NKAIN2: variants seen among roughly 807,000 people sequenced by gnomAD.
The protein encoded by NKAIN2 is sodium/potassium transporting ATPase interacting 2.
In NKAIN2, 14 loss-of-function variants were observed where a neutral mutation model predicts 32.6. That is an observed-to-expected ratio of 0.43 (90% CI 0.28 to 0.67). The LOEUF is 0.67. Among genes scored for constraint, NKAIN2 ranks in the 30% least tolerant of loss-of-function variants. NKAIN2 has a pLI of 0.17. For missense variants in NKAIN2, 198 were observed against 258.3 expected, an observed-to-expected ratio of 0.77 and a Z score of 1.60; for synonymous variants, 80 against 87.2, an observed-to-expected ratio of 0.92 and a Z score of 0.46.
At chr6:124,283,501 C>T (rs1336607153) in intron 2 of NKAIN2, among the ~76,000 whole-genome samples, 3 of 152,146 alleles carry the variant, frequency 2.0e-5, no homozygotes, top group African/African-American at 7.2e-5. Context: ...ATATTTTATA[C>T]ATTGAATAAA....
chr6:124,403,079 GATTC>G (rs139129015), intron 3 of NKAIN2, among the ~76,000 whole-genome samples: 6,929 of 152,204 alleles, frequency 0.046, 212 homozygotes, highest in Non-Finnish European at 0.069. Context: ...GAATTACGTT[GATTC>G]ATTTGTTAGA....
At chr6:124,511,764 T>G (rs1179528485) in intron 3 of NKAIN2, among the ~76,000 whole-genome samples, 4 of 152,194 alleles carry the variant, frequency 2.6e-5, no homozygotes, top group Non-Finnish European at 5.9e-5. Flanking sequence ...AGGGCTCATC[T>G]ATCCTTGTGC....
chr6:124,787,110 C>T (rs538404229), intron 4 of NKAIN2, among the ~76,000 whole-genome samples: 62 of 152,202 alleles, frequency 4.1e-4, no homozygotes, highest in Admixed American at 6.5e-4. Context: ...CAACCTACTC[C>T]GAGAATGGAT....
chr6:124,134,889 G>A (rs1272006203), intron 1 of NKAIN2, among the ~76,000 whole-genome samples: 1 of 152,126 alleles, frequency 6.6e-6, no homozygotes, highest in Non-Finnish European at 1.5e-5. Context: ...TAAGAGCTGT[G>A]AGGCAAAAGT....
chr6:124,486,915 T>A (rs1777674983), intron 3 of NKAIN2, among the ~76,000 whole-genome samples: 1 of 152,090 alleles, frequency 6.6e-6, no homozygotes, highest in African/African-American at 2.4e-5. Context: ...TTTAAGACAG[T>A]GGTTTAAATG....
chr6:124,098,982 T>C (rs111776304), intron 1 of NKAIN2, among the ~76,000 whole-genome samples: 2,671 of 152,178 alleles, frequency 0.018, 80 homozygotes, highest in African/African-American at 0.061. Flanking sequence ...AAATAAGAGA[T>C]AAAGTTAGGT....
At chr6:124,302,400 A>C (rs923033984) in intron 2 of NKAIN2, among the ~76,000 whole-genome samples, 51 of 152,230 alleles carry the variant, frequency 3.4e-4, no homozygotes, top group Non-Finnish European at 1.0e-4. Context: ...TTCCTCCATG[A>C]CACAGACTAT....
intron 3 of NKAIN2, among the ~76,000 whole-genome samples, chr6:124,609,164 TC>T (rs1470597253): frequency 6.6e-6 from 1 of 152,122 alleles, no homozygotes; most frequent in Non-Finnish European, 1.5e-5. Flanking sequence ...CAAACAATGC[TC>T]CTAGTTACCT....
chr6:124,346,462 G>T (rs1798429190), intron 2 of NKAIN2, among the ~76,000 whole-genome samples: 1 of 152,102 alleles, frequency 6.6e-6, no homozygotes, highest in Admixed American at 6.6e-5. Context: ...TTATTGTGTG[G>T]GAGTCTAAGT....
chr6:124,793,602 T>C (rs911835400), intron 5 of NKAIN2, among the ~76,000 whole-genome samples: 3 of 150,372 alleles, frequency 2.0e-5, no homozygotes, highest in African/African-American at 7.3e-5. Flanking sequence ...GTCTCCTACA[T>C]GCATAATCAG....
chr6:124,671,910 G>A (rs1187885506), intron 4 of NKAIN2, among the ~76,000 whole-genome samples: 1 of 151,714 alleles, frequency 6.6e-6, no homozygotes, highest in African/African-American at 2.4e-5. Flanking sequence ...TACAAATTGA[G>A]GTCATTCTAA....
chr6:124,624,792 T>A (rs914317643), intron 3 of NKAIN2, among the ~76,000 whole-genome samples: 3 of 152,228 alleles, frequency 2.0e-5, no homozygotes, highest in Non-Finnish European at 4.4e-5. Context: ...AATTAGAGTA[T>A]GTACCTGTTA....
chr6:124,743,117 A>C (rs1182191045), intron 4 of NKAIN2, among the ~76,000 whole-genome samples: 1 of 151,828 alleles, frequency 6.6e-6, no homozygotes, highest in Non-Finnish European at 1.5e-5. Flanking sequence ...GAAAGTACAG[A>C]CGCTGGAGTC....
chr6:123,926,664 T>C (rs1776020389), intron 1 of NKAIN2, among the ~76,000 whole-genome samples: 1 of 152,232 alleles, frequency 6.6e-6, no homozygotes, highest in African/African-American at 2.4e-5. Context: ...ATCTTGATTT[T>C]AATAGTCATT....
chr6:124,252,645 ATTAG>A (rs1392955851), intron 1 of NKAIN2, among the ~76,000 whole-genome samples: 2 of 152,182 alleles, frequency 1.3e-5, no homozygotes, highest in African/African-American at 4.8e-5. Flanking sequence ...ACAATTAGAC[ATTAG>A]TTAAAGTATA....
chr6:124,108,616 G>C (rs1223326170), intron 1 of NKAIN2, among the ~76,000 whole-genome samples: 1 of 151,938 alleles, frequency 6.6e-6, no homozygotes, highest in East Asian at 1.9e-4. Flanking sequence ...TCATTGCCTA[G>C]ACCAAATATC....
At chr6:124,353,869 A>G (rs1332756598) in intron 2 of NKAIN2, among the ~76,000 whole-genome samples, 1 of 152,208 alleles carries the variant, frequency 6.6e-6, no homozygotes, top group Non-Finnish European at 1.5e-5. Context: ...CACATGGCTC[A>G]AAAGGTAACA....
At chr6:124,067,590 G>A (rs188620752) in intron 1 of NKAIN2, among the ~76,000 whole-genome samples, 2 of 152,262 alleles carry the variant, frequency 1.3e-5, no homozygotes, top group African/African-American at 4.8e-5. Context: ...TATTTGTTGA[G>A]CATTTCTCAC....
chr6:123,950,845 G>C (rs1180339285), intron 1 of NKAIN2, among the ~76,000 whole-genome samples: 1 of 151,838 alleles, frequency 6.6e-6, no homozygotes, highest in Non-Finnish European at 1.5e-5. Context: ...GGTTTGGATT[G>C]TTCTGGCTTT....
Sources: allele counts gnomAD v4.1 joint callset (sites outside exome capture counted in the v4.1 genomes callset), GRCh38; gene constraint gnomAD v4.1.1; transcripts MANE v1.5; gene names NCBI Gene and HGNC (gene_info 2026-07-23, HGNC 2026-07-21).